The following CUEDC1 variants were observed in gnomAD, a reference collection of about 807,000 sequenced individuals.
The protein encoded by CUEDC1 is CUE domain containing 1.
Under a neutral mutation model 43.7 loss-of-function variants are expected in CUEDC1, and 30 were observed. The ratio of observed to expected loss-of-function variants is 0.69; its 90% CI spans 0.51 to 0.93. The LOEUF is 0.93. Ranked by LOEUF, CUEDC1 falls within the 40% of genes least tolerant of loss-of-function variation. The pLI, the probability that CUEDC1 is intolerant of heterozygous loss-of-function variation, is 0.00. For synonymous variants in CUEDC1, 223 were observed against 223.6 expected (o/e 1.00, Z 0.02); for missense variants, 486 against 549.0 (o/e 0.89, Z 1.15).
At chr17:57,929,356 AG>A (rs1246177582) in intron 1 of CUEDC1, among the ~76,000 whole-genome samples, 1 of 152,210 alleles carries the variant, frequency 6.6e-6, no homozygotes, top group African/African-American at 2.4e-5. Flanking sequence ...TGACAGTGCC[AG>A]GATTCAAACC....
chr17:57,881,989 A>G (rs2074211936), intron 2 of CUEDC1, among the ~76,000 whole-genome samples: 1 of 152,148 alleles, frequency 6.6e-6, no homozygotes, highest in Non-Finnish European at 1.5e-5. Flanking sequence ...CCACCGCCAC[A>G]AAGAGGTTGT....
intron 10 of CUEDC1, 148 bp downstream of exon 10, chr17:57,866,326 C>T (rs16942477): frequency 0.14 from 93,055 of 645,484 alleles, 8,131 homozygotes; most frequent in Non-Finnish European, 0.18. Context: ...GTGTCCCTGC[C>T]GCAACTATGA....
intron 1 of CUEDC1, among the ~76,000 whole-genome samples, chr17:57,909,583 G>A (rs2074563029): frequency 1.3e-5 from 2 of 152,208 alleles, no homozygotes; most frequent in East Asian, 3.9e-4. Context: ...CAAGATCAAA[G>A]CGTTGGCTGT....
Position 57,954,308 on chromosome 17 carries a change from C to T in CUEDC1, c.-316+917G>A, listed in dbSNP as rs192277019. 5.8e-4 allele frequency among the ~76,000 whole-genome samples: 88 copies of T among 152,272 alleles called. 1 individual carries two copies. The highest frequency in any genetic ancestry group is 7.8e-4 in the Non-Finnish European group (53 of 68,024). On this transcript the variant is annotated intron_variant, in intron 1 of 10. Transcript: ENST00000577830. This position sits in a 1 kb window ranked among gnomAD's most constrained non-coding sequence, Gnocchi z 4.3. ...CTCCAGGGCATCTTGTTTCTAAACT[C>T]CCAGGGAGTCCCCTCATCTTCTACT... is the stretch of plus-strand genomic sequence containing the variant.
intron 1 of CUEDC1, among the ~76,000 whole-genome samples, chr17:57,926,571 T>C (rs2074749403): frequency 6.6e-6 from 1 of 152,126 alleles, no homozygotes; most frequent in Non-Finnish European, 1.5e-5. Context: ...GGTGAGTGGA[T>C]CACTTGAGGC....
rs568325378 is a variant in CUEDC1 at position 57,901,757 on chromosome 17, A to G, written c.-315-15878T>C. ...CGGCCCCAGCCTACAAATGGGTTGC[A>G]AGTTTAATTAGACTTAAGGGATATG... On this transcript the variant is annotated intron_variant, in intron 1 of 10. Coordinates refer to ENST00000577830, the MANE Select transcript of CUEDC1 (RefSeq NM_001271875.2). Among the ~76,000 whole-genome samples the G allele has an allele frequency of 6.6e-5, 10 of 152,380 alleles. No homozygotes were observed. In the East Asian group the frequency reaches 1.9e-3, roughly 29 times the overall value.
At chr17:57,950,501 C>T (rs1447190170) in intron 1 of CUEDC1, among the ~76,000 whole-genome samples, 3 of 149,144 alleles carry the variant, frequency 2.0e-5, no homozygotes, top group African/African-American at 7.4e-5. Flanking sequence ...GAGACAGAGT[C>T]TCGCTCTGTC....
At chr17:57,904,622 G>A (rs187467881) in intron 1 of CUEDC1, among the ~76,000 whole-genome samples, 2 of 152,176 alleles carry the variant, frequency 1.3e-5, no homozygotes, top group African/African-American at 4.8e-5. Context: ...AAGAGGCTAA[G>A]ATTTCACTCT....
At chr17:57,878,846 T>C (rs936154008) in intron 3 of CUEDC1, among the ~76,000 whole-genome samples, 1 of 152,064 alleles carries the variant, frequency 6.6e-6, no homozygotes, top group African/African-American at 2.4e-5. Context: ...TTTGTATTTT[T>C]AGTAGAGATG....
intron 1 of CUEDC1, among the ~76,000 whole-genome samples, chr17:57,924,132 C>A (rs539162544): frequency 1.3e-5 from 2 of 151,382 alleles, no homozygotes; most frequent in African/African-American, 4.9e-5. Flanking sequence ...TTTGAGACAG[C>A]GTCTCACTCT....
chr17:57,950,941 A>T (rs913455839), intron 1 of CUEDC1, among the ~76,000 whole-genome samples: 4 of 152,136 alleles, frequency 2.6e-5, no homozygotes, highest in African/African-American at 7.2e-5. Context: ...TTACAGGGCA[A>T]ATTCTCCAAA....
At chr17:57,864,017 A>G (rs1425613625) in intron 10 of CUEDC1, among the ~76,000 whole-genome samples, 1 of 149,338 alleles carries the variant, frequency 6.7e-6, no homozygotes, top group Admixed American at 6.7e-5. Context: ...AAAAAAAAAA[A>G]GAAAGAAAAG....
intron 1 of CUEDC1, among the ~76,000 whole-genome samples, chr17:57,891,622 G>A (rs1028942430): frequency 5.9e-5 from 9 of 152,278 alleles, no homozygotes; most frequent in Middle Eastern, 3.4e-3. Context: ...ATATGTGCAC[G>A]CACACATACA....
intron 1 of CUEDC1, among the ~76,000 whole-genome samples, chr17:57,905,801 G>A (rs1477338752): frequency 6.6e-6 from 1 of 152,210 alleles, no homozygotes; most frequent in African/African-American, 2.4e-5. Context: ...ACAGGAAGAC[G>A]TCTGGGTGGA....
intron 1 of CUEDC1, among the ~76,000 whole-genome samples, chr17:57,925,033 C>T (rs1035598487): frequency 2.0e-5 from 3 of 151,376 alleles, no homozygotes; most frequent in Non-Finnish European, 4.4e-5. Context: ...TAAAAATTCT[C>T]ATTATGTAGT....
chr17:57,941,391 C>T (rs2074916049), intron 1 of CUEDC1, among the ~76,000 whole-genome samples: 2 of 152,266 alleles, frequency 1.3e-5, no homozygotes, highest in East Asian at 3.9e-4. Context: ...ACAGGGTTGC[C>T]ATATACAGTT....
intron 1 of CUEDC1, among the ~76,000 whole-genome samples, chr17:57,905,598 G>A (rs1204742687): frequency 6.6e-6 from 1 of 152,184 alleles, no homozygotes; most frequent in Non-Finnish European, 1.5e-5. Flanking sequence ...TAAATGCAGA[G>A]CTAAAATGGG....
At chr17:57,866,745 G>A in intron 9 of CUEDC1, 2 of 573,240 alleles carry the variant, frequency 3.5e-6, no homozygotes, top group Non-Finnish European at 3.1e-6. Flanking sequence ...GTCCACCACT[G>A]AGCTCTGAGA....
chr17:57,866,631 C>A, intron 9 of CUEDC1, 87 bp from the exon 10 acceptor site: 2 of 1,327,276 alleles, frequency 1.5e-6, no homozygotes, highest in Non-Finnish European at 2.2e-6. Flanking sequence ...AGAGCTGACC[C>A]GACTCTCTCT....
Sources: gnomAD v4.1 joint callset for allele counts (sites outside exome capture counted in the v4.1 genomes callset) on GRCh38, gnomAD v4.1.1 for gene constraint, Gnocchi (gnomAD v3.1) non-coding constraint, MANE v1.5 for transcripts, NCBI Gene and HGNC (gene_info 2026-07-23, HGNC 2026-07-21) for gene names.